The following GREB1L variants were observed in gnomAD, a reference collection of about 807,000 sequenced individuals.
The protein encoded by GREB1L is GREB1-like protein.
GREB1L carries 17 observed loss-of-function variants against 200.8 expected under a neutral mutation model. The ratio of observed to expected loss-of-function variants is 0.08; its 90% CI spans 0.06 to 0.13. The LOEUF is 0.13. GREB1L is among the 10% of genes least tolerant of loss of function. The pLI, the probability that GREB1L is intolerant of heterozygous loss-of-function variation, is 1.00. For synonymous variants in GREB1L, 789 were observed against 893.0 expected (o/e 0.88, Z 2.08); for missense variants, 1,657 against 2,367.7 (o/e 0.70, Z 6.23).
At chr18:21,383,723 G>GT (rs2040420355) in intron 3 of GREB1L, 48 bp downstream of exon 3, 13 of 1,526,636 alleles carry the variant, frequency 8.5e-6, no homozygotes, top group Non-Finnish European at 1.1e-5. Flanking sequence ...TTTTTGTTTT[G>GT]TTTTTTTGAG....
chr18:21,459,689 AT>A (rs1459639033), intron 15 of GREB1L, among the ~76,000 whole-genome samples: 1 of 152,054 alleles, frequency 6.6e-6, no homozygotes, highest in Non-Finnish European at 1.5e-5. Flanking sequence ...ATAAAGACAT[AT>A]TTTTTTGGTC....
rs1436493607 is a variant in GREB1L, at chr18:21,500,099, C to T, written c.3762C>T (p.Ser1254=). The change falls in exon 22 of 33, where the codon TCC becomes TCT. Residue 1254 remains serine, a synonymous_variant. Transcript: ENST00000424526. The part of the protein sequence containing the change: ...SQKSGKLPSS[S]SLLPHADVAW... ...AGAGTGGCAAGCTGCCATCCTCCTCCTCCCTGCTGCCCCACGCCGACGTGG... is the reference window on the plus strand; with the variant it reads ...AGAGTGGCAAGCTGCCATCCTCCTCTTCCCTGCTGCCCCACGCCGACGTGG... The T allele has an allele frequency of 6.4e-7, 1 of 1,551,640 alleles. No individual in the cohort carries two copies. The highest frequency in any genetic ancestry group is 8.7e-7 in the Non-Finnish European group (1 of 1,147,032).
In GREB1L at chr18:21,496,603, A is replaced by G; in HGVS notation, c.3296A>G (p.Gln1099Arg). ...GCCCTGGACCTCAGCGGGAAGGAGC[A>G]GGAGAGAGCTGCTGTCAGTGAGAAT... The part of the protein sequence containing the change: ...TVALDLSGKE[Q>R]ERAAVSENDS... Residue 1099 changes from glutamine (Q) to arginine (R), a missense_variant, in exon 21 of 33, where the codon CAG becomes CGG. By Grantham distance (43) the Gln-to-Arg change is conservative (BLOSUM62 1). This residue lies in a region of GREB1L where 512 missense variants were observed against 668.3 expected (regional missense o/e 0.77). Coordinates refer to ENST00000424526, the MANE Select transcript of GREB1L (RefSeq NM_001142966.3). The G allele has an allele frequency of 6.4e-7, 1 of 1,551,738 alleles. No individual in the cohort carries two copies. The highest frequency in any genetic ancestry group is 8.7e-7 in the Non-Finnish European group (1 of 1,146,984).
At chr18:21,247,910 G>C (rs1184906357) in intron 1 of GREB1L, among the ~76,000 whole-genome samples, 1 of 152,108 alleles carries the variant, frequency 6.6e-6, no homozygotes, top group Non-Finnish European at 1.5e-5. Context: ...CTGGGGATAA[G>C]GCCTACCAAT....
intron 15 of GREB1L, chr18:21,468,636 A>G: frequency 2.2e-6 from 1 of 447,646 alleles, no homozygotes. Flanking sequence ...ACTATAATAC[A>G]ATTATCAGAG....
chr18:21,399,491 GGATA>G (rs1405128027), intron 5 of GREB1L, among the ~76,000 whole-genome samples: 12 of 151,512 alleles, frequency 7.9e-5, no homozygotes, highest in Non-Finnish European at 1.3e-4. Context: ...ATGGATGGAT[GGATA>G]GATGGATGGG....
intron 1 of GREB1L, among the ~76,000 whole-genome samples, chr18:21,316,659 G>A (rs544119324): frequency 1.3e-5 from 2 of 151,354 alleles, no homozygotes; most frequent in African/African-American, 4.8e-5. Flanking sequence ...AAAGATAATA[G>A]ATAATAGTTT....
intron 1 of GREB1L, among the ~76,000 whole-genome samples, chr18:21,317,224 A>T (rs2038884774): frequency 6.6e-6 from 1 of 151,858 alleles, no homozygotes; most frequent in Non-Finnish European, 1.5e-5. Flanking sequence ...CAATCAATGG[A>T]TTAATCAATC....
intron 15 of GREB1L, among the ~76,000 whole-genome samples, chr18:21,466,622 A>G (rs1056345328): frequency 6.6e-6 from 1 of 152,132 alleles, no homozygotes; most frequent in Admixed American, 6.5e-5. Context: ...AAATAAATGA[A>G]AAGACATATT....
chr18:21,498,605 G>A (rs1489183670), intron 21 of GREB1L, among the ~76,000 whole-genome samples: 1 of 152,190 alleles, frequency 6.6e-6, no homozygotes. Flanking sequence ...CCCACAAAGT[G>A]AGCGCTTCCC....
At chr18:21,333,752 T>G (rs549370837) in intron 1 of GREB1L, among the ~76,000 whole-genome samples, 2 of 151,190 alleles carry the variant, frequency 1.3e-5, no homozygotes, top group Admixed American at 1.3e-4. Flanking sequence ...GAGGCTGAGG[T>G]GAGAGGATTG....
intron 6 of GREB1L, 54 bp from the exon 7 acceptor site, chr18:21,403,817 CT>C: frequency 6.8e-7 from 1 of 1,464,882 alleles, no homozygotes; most frequent in South Asian, 1.2e-5. Flanking sequence ...TCCCCATCAC[CT>C]GTTTTAACAG....
intron 25 of GREB1L, among the ~76,000 whole-genome samples, chr18:21,506,472 G>A (rs2037027751): frequency 6.6e-6 from 1 of 151,984 alleles, no homozygotes; most frequent in South Asian, 2.1e-4. Context: ...AGGGAGAGGA[G>A]GCAGCTTAGT....
intron 1 of GREB1L, among the ~76,000 whole-genome samples, chr18:21,276,775 GA>G (rs2038172061): frequency 6.6e-6 from 1 of 152,030 alleles, no homozygotes; most frequent in South Asian, 2.1e-4. Flanking sequence ...AGGGAAGAAG[GA>G]AGGAAAGAAG....
chr18:21,347,991 C>G (rs1455813071), intron 1 of GREB1L, among the ~76,000 whole-genome samples: 1 of 131,170 alleles, frequency 7.6e-6, no homozygotes, highest in Non-Finnish European at 1.5e-5. Flanking sequence ...GTCGCCCAGC[C>G]TGGAATGCAG....
Position 21,522,890 on chromosome 18 carries a change from TC to T in GREB1L, c.*70del. 1 of 1,383,710 alleles carries T rather than the reference TC, an allele frequency of 7.2e-7. No individual in the cohort carries two copies. The highest frequency in any genetic ancestry group is 9.7e-7 in the Non-Finnish European group (1 of 1,034,666). 85.7% of individuals were successfully genotyped at this position (1,383,710 alleles called of 1,614,324 possible). On this transcript the variant is annotated 3_prime_UTR_variant, in exon 33 of 33. Coordinates refer to ENST00000424526, the MANE Select transcript of GREB1L (RefSeq NM_001142966.3). Reference sequence around the variant, plus strand: ...TGGGACAGAAACAATTTGGGATTTTTCTTTTTCCTTTAAAGTACAATCACTG... The same window carrying T: ...TGGGACAGAAACAATTTGGGATTTTTTTTTTCCTTTAAAGTACAATCACTG...
At chr18:21,264,730 A>C (rs555673993) in intron 1 of GREB1L, among the ~76,000 whole-genome samples, 1 of 143,588 alleles carries the variant, frequency 7.0e-6, no homozygotes, top group Admixed American at 7.5e-5. Context: ...CTCTCCTTCA[A>C]ATCTCACTGA....
intron 1 of GREB1L, among the ~76,000 whole-genome samples, chr18:21,276,845 A>G (rs2038173425): frequency 6.6e-6 from 1 of 151,572 alleles, no homozygotes; most frequent in Non-Finnish European, 1.5e-5. Context: ...GAAGAAAGGA[A>G]GCGTTTTTGA....
At chr18:21,374,831 G>C (rs1219041774) in intron 2 of GREB1L, among the ~76,000 whole-genome samples, 2 of 150,718 alleles carry the variant, frequency 1.3e-5, no homozygotes, top group Non-Finnish European at 2.9e-5. Context: ...TAATCAAAAG[G>C]GGAACTTTTT....
Sources: allele counts gnomAD v4.1 joint callset (sites outside exome capture counted in the v4.1 genomes callset), GRCh38; gene constraint gnomAD v4.1.1; regional missense constraint gnomAD v4.1.1; transcripts MANE v1.5; gene names NCBI Gene and HGNC (gene_info 2026-07-23, HGNC 2026-07-21).